The following SMC1B variants were observed in gnomAD, a reference collection of about 807,000 sequenced individuals.
SMC1B encodes the protein structural maintenance of chromosomes 1B, also known as structural maintenance of chromosomes protein 1B.
Under a neutral mutation model 157.9 loss-of-function variants are expected in SMC1B, and 60 were observed. The observed-to-expected ratio is 0.38, with a 90% CI of 0.31 to 0.47. The LOEUF is 0.47. Ranked by LOEUF, SMC1B falls within the 20% of genes least tolerant of loss-of-function variation. The pLI, the probability that SMC1B is intolerant of heterozygous loss-of-function variation, is 0.99. For missense variants in SMC1B, 1,165 were observed against 1,426.2 expected (o/e 0.82, Z 2.95); for synonymous variants, 445 against 483.0 (o/e 0.92, Z 1.03).
chr22:45,383,323 A>T lies in SMC1B; in HGVS notation c.2058+144T>A, dbSNP rs191478233. 4.0e-3 allele frequency: 2,202 copies of T among 554,412 alleles called. 8 individuals are homozygous for T. Among genetic ancestry groups the T allele is most frequent in the Non-Finnish European group, 5.7e-3 (1,993 of 347,112 alleles). 34.3% of individuals were successfully genotyped at this position (554,412 alleles called of 1,614,324 possible). On this transcript the variant is annotated intron_variant, in intron 12 of 24. Coordinates refer to ENST00000357450, the MANE Select transcript of SMC1B (RefSeq NM_148674.5). ...ATATAAGGAAGAGAGTAAGGGAAAG[A>T]TTTTTATTTTTTATTTTTATTTCAT...
At chr22:45,409,807 T>A (rs185894284) in intron 1 of SMC1B, among the ~76,000 whole-genome samples, 2 of 152,204 alleles carry the variant, frequency 1.3e-5, no homozygotes, top group Admixed American at 1.3e-4. Context: ...CTATTAAGAA[T>A]GGCTCACAGT....
chr22:45,389,171 G>A (rs1301881098), intron 10 of SMC1B, among the ~76,000 whole-genome samples: 3 of 152,096 alleles, frequency 2.0e-5, no homozygotes, highest in Non-Finnish European at 4.4e-5. Context: ...GAACCAAAGA[G>A]AACATTTTCT....
chr22:45,406,437 G>A, intron 4 of SMC1B, 23 bp downstream of exon 4: 2 of 1,589,728 alleles, frequency 1.3e-6, no homozygotes, highest in Non-Finnish European at 1.7e-6. Flanking sequence ...ACAACTAATG[G>A]TTACATCTTC....
At position 45,361,997 on chromosome 22, in the gene SMC1B, G is replaced by C. The variant is rs2086726495; in HGVS notation, c.2563-13C>G. 1.2e-6 allele frequency: 2 copies of C among 1,605,806 alleles called. No individual in the cohort carries two copies. The highest frequency in any genetic ancestry group is 2.7e-5 in the African/African-American group (2 of 74,230). The stretch of plus-strand genomic sequence containing the variant: ...AGTTTTCTTCAGCCTGAACAGAGAG[G>C]ATCTGCATTGTAGATTTACTATCTT... On this transcript the variant is annotated splice_polypyrimidine_tract_variant and intron_variant, in intron 16 of 24. Coordinates refer to ENST00000357450, the MANE Select transcript of SMC1B (RefSeq NM_148674.5).
Position 45,362,755 on chromosome 22 carries a change from TTAAGTA to T in SMC1B, c.2562+124_2562+129del, listed in dbSNP as rs1348279648. 116 of 734,362 alleles carry T rather than the reference TTAAGTA, an allele frequency of 1.6e-4. No individual in the cohort carries two copies. In the South Asian group the frequency reaches 1.9e-3, roughly 12 times the overall value. The allele number at this position is 734,362 out of a possible 1,614,324, so 45.5% of individuals were successfully genotyped here. A position where few individuals can be genotyped will look rare whatever the true frequency, so the allele number is the denominator to read the frequency against. ...TTCATAAAGCTCTGCTGATTTTACT[TTAAGTA>T]TTTCTTAAATCTGTCCCCAACCCCT... On this transcript the variant is annotated intron_variant, in intron 16 of 24. Transcript: ENST00000357450.
At chr22:45,381,982 G>A (rs2086941216) in intron 12 of SMC1B, among the ~76,000 whole-genome samples, 1 of 152,196 alleles carries the variant, frequency 6.6e-6, no homozygotes, top group Admixed American at 6.6e-5. Flanking sequence ...TTCAATAAAT[G>A]AGGGAATTAC....
At chr22:45,392,446 G>GT (rs1235916839) in intron 9 of SMC1B, among the ~76,000 whole-genome samples, 2 of 149,616 alleles carry the variant, frequency 1.3e-5, no homozygotes, top group African/African-American at 4.9e-5. Flanking sequence ...ATTTTCTAAA[G>GT]TTTATGGCAT....
intron 23 of SMC1B, among the ~76,000 whole-genome samples, chr22:45,348,096 C>T (rs773471185): frequency 1.5e-4 from 23 of 152,196 alleles, no homozygotes; most frequent in Non-Finnish European, 2.4e-4. Context: ...GCTGAGAGCC[C>T]AGCTCTTTTA....
intron 6 of SMC1B, among the ~76,000 whole-genome samples, chr22:45,397,115 A>G (rs935162758): frequency 7.5e-6 from 1 of 133,802 alleles, no homozygotes. Flanking sequence ...CAAAATAATT[A>G]TAACTATATA....
At chr22:45,410,160 T>G (rs2087315375) in intron 1 of SMC1B, among the ~76,000 whole-genome samples, 1 of 152,218 alleles carries the variant, frequency 6.6e-6, no homozygotes, top group African/African-American at 2.4e-5. Context: ...CTGAGTTCGC[T>G]TTGTATTTTT....
At chr22:45,378,148 A>T (rs1322646309) in intron 12 of SMC1B, among the ~76,000 whole-genome samples, 1 of 151,986 alleles carries the variant, frequency 6.6e-6, no homozygotes, top group Non-Finnish European at 1.5e-5. Flanking sequence ...CTCTTGATGT[A>T]GCTTTTACTG....
At chr22:45,363,780 T>A (rs1338422124) in intron 15 of SMC1B, among the ~76,000 whole-genome samples, 2 of 152,176 alleles carry the variant, frequency 1.3e-5, no homozygotes, top group Non-Finnish European at 2.9e-5. Flanking sequence ...TCTTAAATCT[T>A]TTATAATCTA....
At chr22:45,349,327 T>G (rs2086585446) in intron 23 of SMC1B, among the ~76,000 whole-genome samples, 1 of 150,078 alleles carries the variant, frequency 6.7e-6, no homozygotes, top group African/African-American at 2.5e-5. Context: ...AGGACTGAAT[T>G]TTTTGTTTTG....
intron 6 of SMC1B, among the ~76,000 whole-genome samples, chr22:45,397,466 C>A (rs2087138287): frequency 6.6e-6 from 1 of 152,170 alleles, no homozygotes; most frequent in Non-Finnish European, 1.5e-5. Context: ...AGGAGACAGA[C>A]AAATCCTAGA....
At position 45,355,188 on chromosome 22, in the gene SMC1B, G is replaced by A. The variant is rs531941862; in HGVS notation, c.2962-73C>T. 325 of 1,497,356 alleles carry A rather than the reference G, an allele frequency of 2.2e-4. 1 individual carries two copies. The highest frequency in any genetic ancestry group is 1.9e-3 in the East Asian group (83 of 44,156). The allele number at this position is 1,497,356 out of a possible 1,614,324, so 92.8% of individuals were successfully genotyped here. ...ATCCAGCAAGGTAGGGTGCGTGTGT[G>A]GGGCACTTCACCATCCCAGGTCCCT... On this transcript the variant is annotated intron_variant, in intron 19 of 24. Transcript: ENST00000357450.
Position 45,406,811 on chromosome 22 carries a change from A to G in SMC1B, c.353T>C (p.Ile118Thr), listed in dbSNP as rs758176591. The G allele has an allele frequency of 1.9e-6, 3 of 1,595,624 alleles. No homozygotes were observed. The highest frequency in any genetic ancestry group is 4.5e-5 in the East Asian group (2 of 44,742). The change falls in exon 3 of 25, where the codon ATT becomes ACT. Residue 118 changes from isoleucine (I) to threonine (T), a missense_variant. Ile to Thr is a moderately conservative substitution (Grantham distance 89). Coordinates refer to ENST00000357450, the MANE Select transcript of SMC1B (RefSeq NM_148674.5). ...TATGCCTATCTTTTCCAACTCTGCA[A>G]TGTAAACAGAACGACTCACAAGATT... is the stretch of plus-strand genomic sequence containing the variant. ...NDNLVSRSVYIAELEKIGIIV... is the reference protein window; with the variant it reads ...NDNLVSRSVYTAELEKIGIIV...
chr22:45,344,490 G>A lies in SMC1B; in HGVS notation c.*66C>T, dbSNP rs1382738583. 1.7e-6 allele frequency: 2 copies of A among 1,161,834 alleles called. No homozygotes were observed. The highest frequency in any genetic ancestry group is 1.5e-5 in the African/African-American group (1 of 65,924). 72.0% of individuals were successfully genotyped at this position (1,161,834 alleles called of 1,614,324 possible). ...CCTGCTTGCTCCAGAAGTCTCCTGT[G>A]GAGGAGCTGTGTGAGTATTAGAGTG... On this transcript the variant is annotated 3_prime_UTR_variant, in exon 25 of 25. Coordinates refer to ENST00000357450, the MANE Select transcript of SMC1B (RefSeq NM_148674.5).
intron 6 of SMC1B, among the ~76,000 whole-genome samples, chr22:45,398,010 G>GC (rs1465138669): frequency 6.6e-6 from 1 of 152,182 alleles, no homozygotes; most frequent in African/African-American, 2.4e-5. Flanking sequence ...GCAGAGGGCA[G>GC]CTGCCCCACA....
intron 16 of SMC1B, 75 bp downstream of exon 16, chr22:45,362,810 C>T (rs190315276): frequency 8.1e-6 from 10 of 1,230,290 alleles, no homozygotes; most frequent in South Asian, 2.6e-5. Flanking sequence ...CCTTCAGGAG[C>T]GCACAAAAGG....
Sources: gnomAD v4.1 joint callset for allele counts (sites outside exome capture counted in the v4.1 genomes callset) on GRCh38, gnomAD v4.1.1 for gene constraint, MANE v1.5 for transcripts, NCBI Gene and HGNC (gene_info 2026-07-23, HGNC 2026-07-21) for gene names.